Variants in SEMA3A observed in about 807,000 individuals in gnomAD.
The protein encoded by SEMA3A is semaphorin 3A, also known as semaphorin-3A.
Under a neutral mutation model 97.9 loss-of-function variants are expected in SEMA3A, and 29 were observed. The ratio of observed to expected loss-of-function variants is 0.30; its 90% CI spans 0.22 to 0.40. The LOEUF is 0.40. Among genes scored for constraint, SEMA3A ranks in the 10% least tolerant of loss-of-function variants. The pLI, the probability that SEMA3A is intolerant of heterozygous loss-of-function variation, is 1.00. For synonymous variants in SEMA3A, 321 were observed against 323.7 expected, an observed-to-expected ratio of 0.99 and a Z score of 0.09; for missense variants, 763 against 951.3, an observed-to-expected ratio of 0.80 and a Z score of 2.60.
intron 6 of SEMA3A, among the ~76,000 whole-genome samples, chr7:84,039,259 G>T (rs186098630): frequency 3.9e-4 from 59 of 152,210 alleles, no homozygotes; most frequent in South Asian, 3.5e-3. Context: ...AACCATAAAT[G>T]TGTGGCAAAT....
chr7:84,366,317 A>G (rs1802846597), intron 2 of SEMA3A, among the ~76,000 whole-genome samples: 1 of 151,388 alleles, frequency 6.6e-6, no homozygotes, highest in African/African-American at 2.4e-5. Context: ...TACATTTTCA[A>G]CTAAAGCAGA....
At chr7:84,323,289 C>T (rs1246998123) in intron 2 of SEMA3A, among the ~76,000 whole-genome samples, 2 of 152,018 alleles carry the variant, frequency 1.3e-5, no homozygotes, top group Non-Finnish European at 2.9e-5. Context: ...ACTTGATTTC[C>T]TCTTCAAAAG....
At chr7:84,218,727 T>G (rs1798807633) in intron 3 of SEMA3A, among the ~76,000 whole-genome samples, 1 of 152,094 alleles carries the variant, frequency 6.6e-6, no homozygotes. Context: ...AATGACACAT[T>G]TAGCATGACC....
chr7:84,181,253 A>T (rs1320661559), intron 1 of SEMA3A, among the ~76,000 whole-genome samples: 1 of 150,798 alleles, frequency 6.6e-6, no homozygotes, highest in African/African-American at 2.4e-5. Context: ...TATTTTTATT[A>T]TATCTATTTC....
chr7:83,970,458 A>T (rs1200154537), intron 15 of SEMA3A, among the ~76,000 whole-genome samples: 3 of 152,164 alleles, frequency 2.0e-5, no homozygotes, highest in Non-Finnish European at 4.4e-5. Context: ...CTTTCTATTT[A>T]TTCACTCTCC....
At chr7:84,038,170 A>T (rs1240239635) in intron 6 of SEMA3A, among the ~76,000 whole-genome samples, 3 of 152,124 alleles carry the variant, frequency 2.0e-5, no homozygotes, top group Non-Finnish European at 2.9e-5. Context: ...AAATGAGCAG[A>T]CACCATTAAG....
At chr7:84,267,043 A>T (rs1562878875) in intron 3 of SEMA3A, among the ~76,000 whole-genome samples, 1 of 152,164 alleles carries the variant, frequency 6.6e-6, no homozygotes, top group African/African-American at 2.4e-5. Context: ...TGAAATACAT[A>T]CACGTTACTA....
At chr7:84,303,566 A>C (rs1371113211) in intron 3 of SEMA3A, among the ~76,000 whole-genome samples, 1 of 151,998 alleles carries the variant, frequency 6.6e-6, no homozygotes, top group Admixed American at 6.6e-5. Flanking sequence ...AAAAAAAGGT[A>C]TTAGTTTGTT....
chr7:84,378,556 C>A (rs181860889), intron 1 of SEMA3A, among the ~76,000 whole-genome samples: 1 of 151,762 alleles, frequency 6.6e-6, no homozygotes, highest in African/African-American at 2.4e-5. Context: ...TGGGGCCTTT[C>A]GGGGTGTTGG....
chr7:84,324,984 A>G (rs1021543439), intron 2 of SEMA3A, among the ~76,000 whole-genome samples: 2 of 152,298 alleles, frequency 1.3e-5, no homozygotes, highest in African/African-American at 4.8e-5. Flanking sequence ...AAAGACAAAA[A>G]GATACTTTAT....
chr7:84,117,707 G>GA (rs1209831247), intron 3 of SEMA3A, among the ~76,000 whole-genome samples: 3 of 152,078 alleles, frequency 2.0e-5, no homozygotes, highest in Admixed American at 2.0e-4. Context: ...TTTGGCCTGT[G>GA]AAAAAATTGT....
intron 3 of SEMA3A, among the ~76,000 whole-genome samples, chr7:84,300,650 C>T (rs1231269006): frequency 6.6e-6 from 1 of 151,618 alleles, no homozygotes; most frequent in South Asian, 2.1e-4. Context: ...AAATAAAAAG[C>T]AGATAATAAC....
Position 83,956,448 on chromosome 7 carries a change from G to C in SEMA3A, c.*4923C>G, listed in dbSNP as rs1401468308. On this transcript the variant is annotated 3_prime_UTR_variant, in exon 17 of 17. Coordinates refer to ENST00000265362, the MANE Select transcript of SEMA3A (RefSeq NM_006080.3). Reference sequence around the variant, plus strand: ...CTGTGCTGGTTTGAACTAGAGGAGAGATTATGAAATACAGATGAGTTTGAA... The same window carrying C: ...CTGTGCTGGTTTGAACTAGAGGAGACATTATGAAATACAGATGAGTTTGAA... 6.6e-6 allele frequency: 1 copy of C among 152,150 alleles called. No individual in the cohort carries two copies. The highest frequency in any genetic ancestry group is 1.5e-5 in the Non-Finnish European group (1 of 68,026). 9.4% of individuals were successfully genotyped at this position (152,150 alleles called of 1,614,324 possible).
chr7:84,471,350 T>C (rs1389970910), intron 1 of SEMA3A, among the ~76,000 whole-genome samples: 1 of 152,124 alleles, frequency 6.6e-6, no homozygotes, highest in Non-Finnish European at 1.5e-5. Context: ...CATATTTATA[T>C]TTCACTTATT....
intron 3 of SEMA3A, among the ~76,000 whole-genome samples, chr7:84,128,880 C>T (rs543478647): frequency 6.6e-6 from 1 of 152,178 alleles, no homozygotes; most frequent in East Asian, 1.9e-4. Context: ...CAGTTTTTTT[C>T]AGCATCCCCG....
At chr7:84,341,975 T>C (rs1053668387) in intron 2 of SEMA3A, among the ~76,000 whole-genome samples, 2 of 152,148 alleles carry the variant, frequency 1.3e-5, no homozygotes, top group African/African-American at 4.8e-5. Flanking sequence ...ATTCTTCACA[T>C]GTCATCTCAA....
chr7:84,203,546 T>TTTTTC (rs1554345526), intron 3 of SEMA3A, among the ~76,000 whole-genome samples: 6 of 131,512 alleles, frequency 4.6e-5, no homozygotes, highest in African/African-American at 1.7e-4. Context: ...TTTTTTTTTT[T>TTTTTC]CTGAGATAGA....
At chr7:84,060,421 T>C in intron 5 of SEMA3A, 44 bp downstream of exon 5, 1 of 1,245,720 alleles carries the variant, frequency 8.0e-7, no homozygotes, top group Non-Finnish European at 1.1e-6. Context: ...ACCTGTTTGT[T>C]ATTTATAGAA....
At chr7:84,041,354 G>T (rs544262961) in intron 6 of SEMA3A, among the ~76,000 whole-genome samples, 1 of 152,068 alleles carries the variant, frequency 6.6e-6, no homozygotes, top group African/African-American at 2.4e-5. Context: ...ATTATTTAGA[G>T]AGTAGAATAA....
Sources: allele counts gnomAD v4.1 joint callset (sites outside exome capture counted in the v4.1 genomes callset), GRCh38; gene constraint gnomAD v4.1.1; transcripts MANE v1.5; gene names NCBI Gene and HGNC (gene_info 2026-07-23, HGNC 2026-07-21).